The following FER1L5 variants were observed in gnomAD, a reference collection of about 807,000 sequenced individuals.
The protein encoded by FER1L5 is fer-1-like protein 5.
In FER1L5, 187 loss-of-function variants were observed where a neutral mutation model predicts 279.9. The ratio of observed to expected loss-of-function variants is 0.67; its 90% CI spans 0.59 to 0.75. The LOEUF (loss-of-function observed/expected upper bound fraction) is 0.75. FER1L5 is among the 30% of genes least tolerant of loss of function. FER1L5 has a pLI of 0.00. For synonymous variants in FER1L5, 921 were observed against 989.7 expected (o/e 0.93, Z 1.30); for missense variants, 2,091 against 2,594.4 (o/e 0.81, Z 4.21).
chr2:96,688,238 C>T (rs915553523), intron 24 of FER1L5, among the ~76,000 whole-genome samples: 4 of 152,172 alleles, frequency 2.6e-5, no homozygotes, highest in Non-Finnish European at 4.4e-5. Context: ...AAGTGACCTC[C>T]GGGGCCTGGT....
At chr2:96,692,019 C>A in intron 30 of FER1L5, 56 bp downstream of exon 30, 1 of 889,460 alleles carries the variant, frequency 1.1e-6, no homozygotes, top group Non-Finnish European at 1.6e-6. Flanking sequence ...TACCCGAGGG[C>A]GGGGGGGGGG....
rs1322361265 is a variant in FER1L5, at chr2:96,672,366, A to G, written c.1492-711A>G. Among the ~76,000 whole-genome samples the G allele has an allele frequency of 3.9e-5, 6 of 152,266 alleles. No homozygotes were observed. In the East Asian group the frequency reaches 1.2e-3, roughly 29 times the overall value. ...GCTGGGATTACAGGCATGAGCCACC[A>G]CGCCTGGCCTCAAAAGTAAATTTTT... On this transcript the variant is annotated intron_variant, in intron 18 of 52. Transcript: ENST00000624922.
At chr2:96,651,275 CTTT>C (rs2075361802) in intron 6 of FER1L5, among the ~76,000 whole-genome samples, 1 of 149,820 alleles carries the variant, frequency 6.7e-6, no homozygotes, top group Non-Finnish European at 1.5e-5. Flanking sequence ...TTCTTTCTTT[CTTT>C]CTTTCTTTCT....
At chr2:96,662,308 C>T (rs1388637818) in intron 13 of FER1L5, 41 bp downstream of exon 13, 1 of 1,541,774 alleles carries the variant, frequency 6.5e-7, no homozygotes, top group Non-Finnish European at 8.8e-7. Context: ...AGATTGGCAT[C>T]TAGAGAAAGT....
In FER1L5 at chr2:96,689,770, C is replaced by T. The variant is rs750995901; in HGVS notation, c.2640+12C>T. 2.0e-4 allele frequency: 306 copies of T among 1,538,386 alleles called. No individual in the cohort carries two copies. Among genetic ancestry groups the T allele is most frequent in the Non-Finnish European group, 2.5e-4 (282 of 1,141,342 alleles). ...CAAACACAGACGTGGTGAGCAGGGC[C>T]GAAGCTGCCTCGGGTTAGGGGGCAA... is the stretch of plus-strand genomic sequence containing the variant. On this transcript the variant is annotated intron_variant, in intron 26 of 52. Coordinates refer to ENST00000624922, the MANE Select transcript of FER1L5 (RefSeq NM_001293083.2). The surrounding 1 kb of genome is among the most constrained non-coding windows in gnomAD (Gnocchi z 4.6).
chr2:96,659,497 CTTTCTTTCTTTCG>C, intron 9 of FER1L5, among the ~76,000 whole-genome samples: 1 of 44,406 alleles, frequency 2.3e-5, no homozygotes, highest in African/African-American at 2.0e-4. Context: ...TTCTTTCTTT[CTTTCTTTCTTTCG>C]AGACAGAGTC....
In FER1L5 at chr2:96,691,265, C is replaced by A. The variant is rs980439955; in HGVS notation, c.2819C>A (p.Ser940Ter). 5 of 1,550,372 alleles carry A rather than the reference C, an allele frequency of 3.2e-6. No individual in the cohort carries two copies. The highest frequency in any genetic ancestry group is 4.4e-6 in the Non-Finnish European group (5 of 1,146,892). The change falls in exon 28 of 53, where the codon TCG becomes TAG. Residue 940 changes from serine (S) to a stop codon, truncating the protein, a stop_gained. Transcript: ENST00000624922. LOFTEE classifies it high-confidence loss of function. The surrounding 1 kb of genome is among the most constrained non-coding windows in gnomAD (Gnocchi z 6.0). ...AGCCCGGTGGAGAAGACCTACCACTCGTGCCGCCGCCGGCGCTGGGCGCGT... is the reference window on the plus strand; with the variant it reads ...AGCCCGGTGGAGAAGACCTACCACTAGTGCCGCCGCCGGCGCTGGGCGCGT... ...VWSPVEKTYH[S>*]CRRRRWARVR...
intron 20 of FER1L5, 133 bp from the exon 21 acceptor site, chr2:96,685,196 G>C (rs1042961237): frequency 5.5e-6 from 4 of 728,220 alleles, no homozygotes; most frequent in Middle Eastern, 3.5e-4. Flanking sequence ...ACCTTGAACT[G>C]ATATCACCAG....
Position 96,694,367 on chromosome 2 carries a change from G to A in FER1L5, c.3644G>A (p.Gly1215Glu). 3 of 1,549,102 alleles carry A rather than the reference G, an allele frequency of 1.9e-6. No homozygotes were observed. Among genetic ancestry groups the A allele is most frequent in the Non-Finnish European group, 2.6e-6 (3 of 1,145,668 alleles). The change falls in exon 34 of 53, where the codon GGA becomes GAA. Residue 1215 changes from glycine to glutamate, a missense_variant. Physicochemically the swap from Gly to Glu is moderately conservative, Grantham distance 98. Coordinates refer to ENST00000624922, the MANE Select transcript of FER1L5 (RefSeq NM_001293083.2). This position sits in a 1 kb window ranked among gnomAD's most constrained non-coding sequence, Gnocchi z 4.6. Reference protein sequence around the residue: ...CELILQTEKLGEKQLPILSVP... With the variant: ...CELILQTEKLEEKQLPILSVP... ...CTCCCTGCCCTCCCCCAGAAGCTTGGAGAGAAGCAGCTGCCTATCTTAAGC... is the reference window on the plus strand; with the variant it reads ...CTCCCTGCCCTCCCCCAGAAGCTTGAAGAGAAGCAGCTGCCTATCTTAAGC...
At chr2:96,675,823 A>G (rs903139349) in intron 19 of FER1L5, among the ~76,000 whole-genome samples, 3 of 152,142 alleles carry the variant, frequency 2.0e-5, no homozygotes, top group African/African-American at 7.2e-5. Flanking sequence ...GGATTTCACC[A>G]TGTTGCCCAG....
intron 6 of FER1L5, among the ~76,000 whole-genome samples, chr2:96,651,070 GC>G (rs1424726295): frequency 6.6e-6 from 1 of 152,082 alleles, no homozygotes; most frequent in Non-Finnish European, 1.5e-5. Flanking sequence ...TTCTTCAAAA[GC>G]CCCAGTGTCT....
At chr2:96,649,811 TG>T in intron 5 of FER1L5, 134 bp downstream of exon 5, 1 of 863,584 alleles carries the variant, frequency 1.2e-6, no homozygotes, top group Non-Finnish European at 1.8e-6. Flanking sequence ...CTAGGGTCCC[TG>T]GAAGCTACAG....
At chr2:96,688,962 T>C (rs567343807) in intron 24 of FER1L5, 9 of 451,474 alleles carry the variant, frequency 2.0e-5, no homozygotes, top group African/African-American at 1.2e-4. Flanking sequence ...AAGCACTACA[T>C]AGATGTCTTA....
chr2:96,687,849 C>T lies in FER1L5; in HGVS notation c.2263C>T (p.Pro755Ser). 1 of 1,551,256 alleles carries T rather than the reference C, an allele frequency of 6.4e-7. No individual in the cohort carries two copies. Among genetic ancestry groups the T allele is most frequent in the Non-Finnish European group, 8.7e-7 (1 of 1,146,962 alleles). The stretch of plus-strand genomic sequence containing the variant: ...GGGTGAAGGACAGAAGGATGTGCTC[C>T]CAGCTCACCTCCGGGTCTGCATGTG... ...PEGEGQKDVL[P>S]AHLRVCMWLG... The change falls in exon 24 of 53, where the codon CCA becomes TCA. Residue 755 changes from proline to serine, a missense_variant. By Grantham distance (74) the Pro-to-Ser change is moderately conservative (BLOSUM62 -1). Coordinates refer to ENST00000624922, the MANE Select transcript of FER1L5 (RefSeq NM_001293083.2).
chr2:96,667,618 A>G (rs911862051), intron 14 of FER1L5, among the ~76,000 whole-genome samples: 2 of 152,144 alleles, frequency 1.3e-5, no homozygotes, highest in African/African-American at 4.8e-5. Flanking sequence ...AAGTGCTGGG[A>G]TTACAGGCAT....
rs763752174 is a variant in FER1L5, at chr2:96,673,232, G to A, written c.1647G>A (p.Pro549=). 1.9e-5 allele frequency: 29 copies of A among 1,551,268 alleles called. No individual in the cohort carries two copies. Among genetic ancestry groups the A allele is most frequent in the South Asian group, 1.3e-4 (11 of 84,050 alleles). The change falls in exon 19 of 53, where the codon CCG becomes CCA. Residue 549 remains proline (P), a synonymous_variant. Coordinates refer to ENST00000624922, the MANE Select transcript of FER1L5 (RefSeq NM_001293083.2). ...LNYKPLVSST[P]YSPVIYDGNI... ...ACAAGCCTCTAGTCTCAAGCACACC[G>A]TACAGCCCAGTGATATATGATGGTA...
chr2:96,692,400 C>A (rs1320371066), intron 31 of FER1L5, among the ~76,000 whole-genome samples: 1 of 152,194 alleles, frequency 6.6e-6, no homozygotes. Context: ...AAGACGCAGA[C>A]CCCTCTCCCA....
chr2:96,688,248 TC>T (rs2106634677), intron 24 of FER1L5, among the ~76,000 whole-genome samples: 1 of 152,270 alleles, frequency 6.6e-6, no homozygotes, highest in Admixed American at 6.5e-5. Flanking sequence ...CGGGGCCTGG[TC>T]CCCCTCTCCC....
Position 96,689,096 on chromosome 2 carries a change from G to A in FER1L5, c.2362-117G>A. 1 of 1,270,346 alleles carries A rather than the reference G, an allele frequency of 7.9e-7. No individual in the cohort carries two copies. The highest frequency in any genetic ancestry group is 1.1e-6 in the Non-Finnish European group (1 of 936,222). The allele number at this position is 1,270,346 out of a possible 1,614,324, so 78.7% of individuals were successfully genotyped here. ...ATGGGGACATGGCCCTTTCTTGCCT[G>A]GCTACCACATTTTTAGGATGCCCCT... On this transcript the variant is annotated intron_variant, in intron 24 of 52. Coordinates refer to ENST00000624922, the MANE Select transcript of FER1L5 (RefSeq NM_001293083.2). This position sits in a 1 kb window ranked among gnomAD's most constrained non-coding sequence, Gnocchi z 4.6.
Sources: allele counts gnomAD v4.1 joint callset (sites outside exome capture counted in the v4.1 genomes callset), GRCh38; gene constraint gnomAD v4.1.1; non-coding constraint Gnocchi (gnomAD v3.1); transcripts MANE v1.5; gene names NCBI Gene and HGNC (gene_info 2026-07-23, HGNC 2026-07-21).